Variants in ASB5 observed in about 807,000 individuals in gnomAD.
ASB5 encodes the protein ankyrin repeat and SOCS box containing 5.
Under a neutral mutation model 42.1 loss-of-function variants are expected in ASB5, and 45 were observed. That is an observed-to-expected ratio of 1.07 (90% CI 0.84 to 1.37). The LOEUF is 1.37. Among genes scored for constraint, ASB5 ranks in the 40% most tolerant of loss-of-function variants. ASB5 has a pLI of 0.00. For synonymous variants in ASB5, 147 were observed against 150.6 expected (o/e 0.98, Z 0.18); for missense variants, 402 against 399.8 (o/e 1.01, Z -0.05).
rs1405715675 is a variant in ASB5, at chr4:176,214,100, A to G, written c.*1500T>C. ...TGTTTAGTGAATATGCTACAGCTTTATTTCTATGTTTGAAAATCTCAACAA... is the reference window on the plus strand; with the variant it reads ...TGTTTAGTGAATATGCTACAGCTTTGTTTCTATGTTTGAAAATCTCAACAA... On this transcript the variant is annotated 3_prime_UTR_variant, in exon 7 of 7. Coordinates refer to ENST00000296525, the MANE Select transcript of ASB5 (RefSeq NM_080874.4). 1 of 152,122 alleles carries G rather than the reference A, an allele frequency of 6.6e-6. No individual in the cohort carries two copies. The highest frequency in any genetic ancestry group is 1.5e-5 in the Non-Finnish European group (1 of 67,968). 9.4% of individuals were successfully genotyped at this position (152,122 alleles called of 1,614,324 possible).
chr4:176,237,502 TCTAA>T (rs1753715657), intron 1 of ASB5: 3 of 985,674 alleles, frequency 3.0e-6, no homozygotes, highest in African/African-American at 1.7e-5. Context: ...CGTCTGGATT[TCTAA>T]CTATTTTTTC....
intron 1 of ASB5, among the ~76,000 whole-genome samples, chr4:176,259,659 C>T (rs79001453): frequency 5.3e-5 from 8 of 152,324 alleles, no homozygotes; most frequent in Non-Finnish European, 1.2e-4. Flanking sequence ...TGGTGAAGAG[C>T]AGATTTCCAA....
chr4:176,260,273 G>C (rs2126975616), intron 1 of ASB5, among the ~76,000 whole-genome samples: 1 of 152,194 alleles, frequency 6.6e-6, no homozygotes, highest in South Asian at 2.1e-4. Flanking sequence ...GCCCCTGACG[G>C]CCTTCTAGAA....
upstream of ASB5, among the ~76,000 whole-genome samples, chr4:176,272,752 A>C (rs1022886946): frequency 1.3e-5 from 2 of 152,068 alleles, no homozygotes; most frequent in Non-Finnish European, 1.5e-5. Context: ...TTAGCCTTTA[A>C]ATTCTCATAA....
upstream of ASB5, among the ~76,000 whole-genome samples, chr4:176,270,794 T>C (rs925112758): frequency 2.6e-5 from 4 of 152,206 alleles, no homozygotes; most frequent in Non-Finnish European, 5.9e-5. Flanking sequence ...GTCTTCCCTC[T>C]GGCATGATGA....
chr4:176,256,436 C>T (rs1268587267), intron 1 of ASB5, among the ~76,000 whole-genome samples: 3 of 152,138 alleles, frequency 2.0e-5, no homozygotes, highest in Non-Finnish European at 4.4e-5. Context: ...GGCAAGGGTT[C>T]CTGGAAAGCT....
chr4:176,233,612 T>A (rs1753608678), intron 1 of ASB5, among the ~76,000 whole-genome samples: 1 of 152,212 alleles, frequency 6.6e-6, no homozygotes, highest in African/African-American at 2.4e-5. Context: ...TTTCGTGTGC[T>A]TCTTTGAAAG....
chr4:176,269,363 C>T, upstream of ASB5: 1 of 333,416 alleles, frequency 3.0e-6, no homozygotes, highest in Non-Finnish European at 5.4e-6. Flanking sequence ...TAAAATGACA[C>T]TCCACCTCTG....
chr4:176,238,550 A>G (rs1753743781), intron 1 of ASB5, among the ~76,000 whole-genome samples: 1 of 152,212 alleles, frequency 6.6e-6, no homozygotes, highest in Non-Finnish European at 1.5e-5. Flanking sequence ...CGACCGAACT[A>G]TGATAGGACT....
intron 1 of ASB5, among the ~76,000 whole-genome samples, chr4:176,249,860 TG>T (rs1464611398): frequency 2.0e-5 from 3 of 151,726 alleles, no homozygotes; most frequent in Non-Finnish European, 4.4e-5. Context: ...GGTCAGGAGA[TG>T]GAGACCATCC....
upstream of ASB5, chr4:176,269,248 T>G (rs760952111): frequency 6.2e-5 from 38 of 612,338 alleles, 1 homozygote; most frequent in Non-Finnish European, 9.7e-5. Context: ...TCAAAATATT[T>G]ATACACTCCA....
At chr4:176,237,509 A>AT in intron 1 of ASB5, 1 of 985,618 alleles carries the variant, frequency 1.0e-6, no homozygotes, top group Non-Finnish European at 1.2e-6. Flanking sequence ...ATTTCTAACT[A>AT]TTTTTTCCTT....
chr4:176,269,498 T>C (rs537071319), upstream of ASB5, among the ~76,000 whole-genome samples: 1 of 152,300 alleles, frequency 6.6e-6, no homozygotes, highest in Non-Finnish European at 1.5e-5. Flanking sequence ...TAAATGATAT[T>C]CATATCGAGT....
In ASB5 at chr4:176,227,188, A is replaced by C. The variant is rs10015433; in HGVS notation, c.197-1847T>G. 8.7e-3 allele frequency among the ~76,000 whole-genome samples: 1,325 copies of C among 152,320 alleles called. 24 individuals are homozygous for C. Among genetic ancestry groups the C allele is most frequent in the African/African-American group, 0.03 (1,247 of 41,558 alleles). ...TAGATTTCATTTCCTCTAGTTGAGG[A>C]TGGAAATAATAATTGTATATACCTC... On this transcript the variant is annotated intron_variant, in intron 1 of 6. Transcript: ENST00000296525.
At chr4:176,253,115 A>G (rs1180883950) in intron 1 of ASB5, among the ~76,000 whole-genome samples, 1 of 152,220 alleles carries the variant, frequency 6.6e-6, no homozygotes, top group Non-Finnish European at 1.5e-5. Flanking sequence ...CATGAGACTT[A>G]CTTTATGTTG....
chr4:176,220,335 T>A (rs568065852), intron 5 of ASB5, among the ~76,000 whole-genome samples: 3 of 152,128 alleles, frequency 2.0e-5, no homozygotes, highest in Non-Finnish European at 4.4e-5. Context: ...ATAATGTGAG[T>A]AGTGCATAAA....
chr4:176,263,160 C>G (rs991160078), intron 1 of ASB5, among the ~76,000 whole-genome samples: 3 of 152,152 alleles, frequency 2.0e-5, no homozygotes, highest in Non-Finnish European at 4.4e-5. Context: ...TGCCCCCACT[C>G]TCTTGAGTCT....
At chr4:176,271,180 T>C (rs1579339241), upstream of ASB5, among the ~76,000 whole-genome samples, 2 of 152,218 alleles carry the variant, frequency 1.3e-5, no homozygotes, top group African/African-American at 4.8e-5. Flanking sequence ...TGATTCCCAT[T>C]TGTATGTTCT....
At chr4:176,222,456 G>T (rs1400209641) in intron 2 of ASB5, 36 bp from the exon 3 acceptor site, 1 of 1,515,866 alleles carries the variant, frequency 6.6e-7, no homozygotes, top group Non-Finnish European at 9.1e-7. Flanking sequence ...TGAGCAAAGA[G>T]TTATATACTT....
Sources: allele counts gnomAD v4.1 joint callset (sites outside exome capture counted in the v4.1 genomes callset), GRCh38; gene constraint gnomAD v4.1.1; transcripts MANE v1.5; gene names NCBI Gene and HGNC (gene_info 2026-07-23, HGNC 2026-07-21).